GRIP2: variants seen among roughly 807,000 people sequenced by gnomAD.
The protein encoded by GRIP2 is glutamate receptor-interacting protein 2.
GRIP2 carries 58 observed loss-of-function variants against 108.3 expected under a neutral mutation model. The ratio of observed to expected loss-of-function variants is 0.54; its 90% CI spans 0.43 to 0.67. The LOEUF (loss-of-function observed/expected upper bound fraction) is 0.67. GRIP2 is among the 30% of genes least tolerant of loss of function. The probability of loss-of-function intolerance (pLI) is 0.00; values close to 1 mark genes in which losing one functional copy is unlikely to be tolerated. For synonymous variants in GRIP2, 586 were observed against 598.2 expected, an observed-to-expected ratio of 0.98 and a Z score of 0.30; for missense variants, 1,278 against 1,430.6, an observed-to-expected ratio of 0.89 and a Z score of 1.72.
the GRIP2 span, among the ~76,000 whole-genome samples, chr3:14,566,263 C>T: frequency 3.3e-5 from 5 of 152,230 alleles, no homozygotes; most frequent in South Asian, 6.2e-4. Flanking sequence ...CACAGAGCCA[C>T]ATGACCACAG....
intron 1 of GRIP2, among the ~76,000 whole-genome samples, chr3:14,551,862 G>A (rs1409549940): frequency 1.3e-5 from 2 of 152,102 alleles, no homozygotes; most frequent in Non-Finnish European, 2.9e-5. Flanking sequence ...TTAAGCCTCA[G>A]TTTCCTCAAC....
In GRIP2 at chr3:14,538,707, G is replaced by A. The variant is rs144516219; in HGVS notation, c.40+1562C>T. ...AGGGTAGAGGTCAAGTAAGTCATCA[G>A]AGAGAGAAAATGTCAGAGAGGTCAG... On this transcript the variant is annotated intron_variant, in intron 1 of 23. Coordinates refer to ENST00000621039, the MANE Select transcript of GRIP2 (RefSeq NM_001080423.4). 4.4e-3 allele frequency among the ~76,000 whole-genome samples: 676 copies of A among 152,348 alleles called. 5 individuals are homozygous for A. The highest frequency in any genetic ancestry group is 0.015 in the African/African-American group (629 of 41,574).
rs1293081881 is a variant in GRIP2, at chr3:14,490,559, G to C, written c.*3106C>G. The stretch of plus-strand genomic sequence containing the variant: ...CACTACCTTCCCAACCTGGGCTAAA[G>C]AGACTCCATATGCAGGCACCACTGC... On this transcript the variant is annotated 3_prime_UTR_variant, in exon 24 of 24. Coordinates refer to ENST00000621039, the MANE Select transcript of GRIP2 (RefSeq NM_001080423.4). 2.0e-5 allele frequency: 3 copies of C among 152,460 alleles called. No homozygotes were observed. The highest frequency in any genetic ancestry group is 4.4e-5 in the Non-Finnish European group (3 of 68,212). The allele number at this position is 152,460 out of a possible 1,614,324, so 9.4% of individuals were successfully genotyped here.
chr3:14,589,411 G>A, the GRIP2 span, among the ~76,000 whole-genome samples: 3 of 152,188 alleles, frequency 2.0e-5, no homozygotes, highest in Admixed American at 2.0e-4. Flanking sequence ...GCCTACCATG[G>A]GAGAGGTGGG....
chr3:14,526,990 G>A (rs934176170), intron 1 of GRIP2, among the ~76,000 whole-genome samples: 2 of 152,072 alleles, frequency 1.3e-5, no homozygotes, highest in African/African-American at 4.8e-5. Flanking sequence ...GGTTCAAGAC[G>A]AGCCTTGGCA....
At chr3:14,593,398 G>T in the GRIP2 span, among the ~76,000 whole-genome samples, 1 of 152,172 alleles carries the variant, frequency 6.6e-6, no homozygotes, top group South Asian at 2.1e-4. Flanking sequence ...CATGGCTCCC[G>T]CTTCCGGCAA....
the GRIP2 span, among the ~76,000 whole-genome samples, chr3:14,594,306 C>T: frequency 1.3e-5 from 2 of 152,346 alleles, no homozygotes; most frequent in Admixed American, 6.5e-5. Flanking sequence ...GGTCCTGGCC[C>T]TCCCTCAGCC....
In GRIP2 at chr3:14,524,507, G is replaced by A. The variant is rs200168364; in HGVS notation, c.289C>T (p.Arg97Trp). 7.1e-6 allele frequency: 11 copies of A among 1,557,132 alleles called. No individual in the cohort carries two copies. Among genetic ancestry groups the A allele is most frequent in the Non-Finnish European group, 9.6e-6 (11 of 1,150,084 alleles). The change falls in exon 4 of 24, where the codon CGG becomes TGG. Residue 97 changes from arginine (R) to tryptophan (W), a missense_variant. Arg to Trp is a moderately radical substitution (Grantham distance 101). Coordinates refer to ENST00000621039, the MANE Select transcript of GRIP2 (RefSeq NM_001080423.4). ...SDLLNIGDYI[R>W]SVNGIHLTRL... ...GTCAGGTGGATCCCGTTCACAGACC[G>A]AATATAGTCACCAATGTTCAGCAGA...
At chr3:14,509,504 G>A (rs192845429) in intron 17 of GRIP2, among the ~76,000 whole-genome samples, 3 of 152,256 alleles carry the variant, frequency 2.0e-5, no homozygotes, top group Admixed American at 6.5e-5. Flanking sequence ...GCACACAGCA[G>A]GCGCTCCAAA....
chr3:14,493,728 C>T lies in GRIP2; in HGVS notation c.3069G>A (p.Pro1023=), dbSNP rs749559044. ...DVLELIISRK[P]HTAHSSRAPR... is the part of the protein sequence containing the mutation. ...GGGCCCGGCTGCTGTGTGCCGTGTGCGGCTTGCGGCTGATGATCAGCTCCA... is the reference window on the plus strand; with the variant it reads ...GGGCCCGGCTGCTGTGTGCCGTGTGTGGCTTGCGGCTGATGATCAGCTCCA... Residue 1023 remains proline (P), a synonymous_variant, in exon 24 of 24, where the codon CCG becomes CCA. Coordinates refer to ENST00000621039, the MANE Select transcript of GRIP2 (RefSeq NM_001080423.4). 1.6e-5 allele frequency: 26 copies of T among 1,607,658 alleles called. No individual in the cohort carries two copies. Among genetic ancestry groups the T allele is most frequent in the Admixed American group, 3.4e-5 (2 of 59,122 alleles).
chr3:14,589,833 T>A, the GRIP2 span, among the ~76,000 whole-genome samples: 1 of 143,378 alleles, frequency 7.0e-6, no homozygotes, highest in African/African-American at 2.6e-5. Flanking sequence ...CAGGCTGGAG[T>A]GTAGTGGTAT....
chr3:14,580,020 C>T, the GRIP2 span, among the ~76,000 whole-genome samples: 4 of 152,170 alleles, frequency 2.6e-5, no homozygotes, highest in African/African-American at 9.7e-5. Context: ...TGTATGGCAG[C>T]CTCTCCTTTC....
chr3:14,598,176 C>G, the GRIP2 span, among the ~76,000 whole-genome samples: 17 of 151,746 alleles, frequency 1.1e-4, no homozygotes, highest in Non-Finnish European at 2.2e-4. Flanking sequence ...TCATGGCTCC[C>G]CTTCCAGCAT....
the GRIP2 span, among the ~76,000 whole-genome samples, chr3:14,579,688 C>CCGCT: frequency 1.4e-4 from 1 of 7,066 alleles, no homozygotes; most frequent in East Asian, 1.1e-3. Context: ...CCTTCACAAC[C>CCGCT]CTGGGGAAAA....
At chr3:14,500,881 A>T (rs1693746907) in intron 21 of GRIP2, among the ~76,000 whole-genome samples, 1 of 152,208 alleles carries the variant, frequency 6.6e-6, no homozygotes, top group Admixed American at 6.5e-5. Context: ...GGGATATGAG[A>T]GGAGGTAGTT....
At chr3:14,602,676 G>A in the GRIP2 span, among the ~76,000 whole-genome samples, 6 of 151,842 alleles carry the variant, frequency 4.0e-5, no homozygotes, top group Admixed American at 1.3e-4. The surrounding 1 kb of genome is among the most constrained non-coding windows in gnomAD (Gnocchi z 4.7). Context: ...ACACTCCCGC[G>A]CCCCGTGGGC....
intron 2 of GRIP2, 71 bp from the exon 3 acceptor site, chr3:14,525,643 G>A (rs1409834387): frequency 6.3e-7 from 1 of 1,575,340 alleles, no homozygotes; most frequent in East Asian, 2.2e-5. Flanking sequence ...TCTAAGATAA[G>A]CGAGGCGAGC....
intron 5 of GRIP2, 180 bp downstream of exon 5, chr3:14,523,432 C>G: frequency 1.7e-6 from 1 of 602,854 alleles, no homozygotes; most frequent in Non-Finnish European, 3.0e-6. Context: ...TCTCCCCAAC[C>G]AAGCCTACTT....
At chr3:14,585,363 T>A in the GRIP2 span, among the ~76,000 whole-genome samples, 2 of 152,122 alleles carry the variant, frequency 1.3e-5, no homozygotes, top group Non-Finnish European at 2.9e-5. Flanking sequence ...TTTAAAGGTG[T>A]TTGATTTAAT....
Sources: allele counts gnomAD v4.1 joint callset (sites outside exome capture counted in the v4.1 genomes callset), GRCh38; gene constraint gnomAD v4.1.1; non-coding constraint Gnocchi (gnomAD v3.1); transcripts MANE v1.5; gene names NCBI Gene and HGNC (gene_info 2026-07-23, HGNC 2026-07-21).